The following MS4A6A variants were observed in gnomAD, a reference collection of about 807,000 sequenced individuals.
MS4A6A encodes membrane-spanning 4-domains subfamily A member 6A.
In MS4A6A, 19 loss-of-function variants were observed where a neutral mutation model predicts 20.6. That is an observed-to-expected ratio of 0.92 (90% confidence interval 0.64 to 1.36). MS4A6A has a LOEUF of 1.36. Ranked by LOEUF, MS4A6A falls within the 40% of genes most tolerant of loss-of-function variation. The probability of loss-of-function intolerance (pLI) is 0.00; values close to 1 mark genes in which losing one functional copy is unlikely to be tolerated. For synonymous variants in MS4A6A, 108 were observed against 105.0 expected (o/e 1.03, Z -0.17); for missense variants, 272 against 261.1 (o/e 1.04, Z -0.29).
chr11:60,175,394 A>G lies in MS4A6A; in HGVS notation c.549+8T>C, dbSNP rs772053588. ...TAAGATTAGAACATCCCATCTAAAA[A>G]TACTTACAGCCAGACTGGCTTTGGC... On this transcript the variant is annotated splice_region_variant and intron_variant, in intron 5 of 5. Transcript: ENST00000528851. 1 of 1,605,918 alleles carries G rather than the reference A, an allele frequency of 6.2e-7. No homozygotes were observed. Among genetic ancestry groups the G allele is most frequent in the South Asian group, 1.1e-5 (1 of 90,778 alleles).
Position 60,172,939 on chromosome 11 carries a change from T to C in MS4A6A, c.*62A>G, listed in dbSNP as rs1341454444. 1.6e-5 allele frequency: 25 copies of C among 1,604,454 alleles called. No homozygotes were observed. The highest frequency in any genetic ancestry group is 1.7e-4 in the Middle Eastern group (1 of 6,050). ...GTGTATCTCATGACTGACTGATTGT[T>C]CCTTCTACCACTCTTGGTGACATAC... On this transcript the variant is annotated 3_prime_UTR_variant, in exon 6 of 6. Coordinates refer to ENST00000528851, the MANE Select transcript of MS4A6A (RefSeq NM_022349.4).
chr11:60,173,604 G>C (rs907923199), intron 5 of MS4A6A, among the ~76,000 whole-genome samples: 2 of 152,194 alleles, frequency 1.3e-5, no homozygotes, highest in African/African-American at 2.4e-5. Flanking sequence ...AATTTGTAAG[G>C]ATCAAGGAGG....
chr11:60,181,563 GT>G lies in MS4A6A; in HGVS notation c.147+17del, dbSNP rs754544355. On this transcript the variant is annotated intron_variant, in intron 2 of 5. Coordinates refer to ENST00000528851, the MANE Select transcript of MS4A6A (RefSeq NM_022349.4). The stretch of plus-strand genomic sequence containing the variant: ...ACTTCCCCCAACCCCTCTCCAACAC[GT>G]TCTGAATTAGATTTACCCCAATAAC... 4.0e-5 allele frequency: 65 copies of G among 1,613,570 alleles called. No individual in the cohort carries two copies. The highest frequency in any genetic ancestry group is 5.5e-5 in the Non-Finnish European group (65 of 1,179,706).
chr11:60,172,433 A>T (rs1856625768), downstream of MS4A6A: 1 of 1,308,946 alleles, frequency 7.6e-7, no homozygotes, highest in Non-Finnish European at 9.7e-7. Flanking sequence ...TACACTCTAT[A>T]ATACAATTTT....
Position 60,181,611 on chromosome 11 carries a change from T to C in MS4A6A, c.117A>G (p.Lys39=), listed in dbSNP as rs1354383451. ...TAACTTTGATTTCTGCGTGTAGATG[T>C]TTCTTCAGGCTATCCTGCCCCTGGT... is the stretch of plus-strand genomic sequence containing the variant. ...PTNQGQDSLK[K]HLHAEIKVIG... The change falls in exon 2 of 6, where the codon AAA becomes AAG. Residue 39 remains lysine (K), a synonymous_variant. Transcript: ENST00000528851. The C allele has an allele frequency of 2.5e-6, 4 of 1,614,128 alleles. No individual in the cohort carries two copies. The highest frequency in any genetic ancestry group is 3.4e-6 in the Non-Finnish European group (4 of 1,179,996).
intron 4 of MS4A6A, chr11:60,177,895 C>T: frequency 4.0e-6 from 1 of 248,668 alleles, no homozygotes; most frequent in South Asian, 5.2e-5. Context: ...AAGAATGGAC[C>T]CCAACCAATA....
In MS4A6A at chr11:60,183,011, G is replaced by A. The variant is rs2083819494; in HGVS notation, c.-48C>T. The A allele has an allele frequency of 4.3e-6, 6 of 1,411,334 alleles. No individual in the cohort carries two copies. The East Asian group carries it at 1.4e-4, about 32-fold the overall frequency. 87.4% of individuals were successfully genotyped at this position (1,411,334 alleles called of 1,614,324 possible). On this transcript the variant is annotated 5_prime_UTR_variant, in exon 1 of 6. Transcript: ENST00000528851. ...GTTGGTTCCAGCTGAGTCCTCAGAAGCTCCAAAGAGGTTTTAACTCTGGTT... is the reference window on the plus strand; with the variant it reads ...GTTGGTTCCAGCTGAGTCCTCAGAAACTCCAAAGAGGTTTTAACTCTGGTT...
intron 4 of MS4A6A, chr11:60,177,992 C>A (rs753092727): frequency 4.0e-5 from 16 of 404,512 alleles, no homozygotes; most frequent in Non-Finnish European, 6.6e-5. Flanking sequence ...CATAAACAGG[C>A]ACAATTTCTC....
intron 1 of MS4A6A, chr11:60,182,754 C>G: frequency 6.2e-6 from 1 of 161,878 alleles, no homozygotes; most frequent in Non-Finnish European, 1.3e-5. Flanking sequence ...GAGCTCTGCT[C>G]CCATTAATTA....
chr11:60,181,723 G>A lies in MS4A6A; in HGVS notation c.5C>T (p.Thr2Ile), dbSNP rs1217897913. The A allele has an allele frequency of 1.9e-6, 3 of 1,613,950 alleles. No individual in the cohort carries two copies. Among genetic ancestry groups the A allele is most frequent in the Non-Finnish European group, 2.5e-6 (3 of 1,179,956 alleles). M[T>I]SQPVPNETII... is the part of the protein sequence containing the mutation. ...GGTCTCATTGGGAACAGGTTGTGATGTCATGATGGTGTTGCCAACTATGTA... is the reference window on the plus strand; with the variant it reads ...GGTCTCATTGGGAACAGGTTGTGATATCATGATGGTGTTGCCAACTATGTA... The change falls in exon 2 of 6, where the codon ACA (threonine) becomes ATA (isoleucine). Residue 2 changes from threonine (T) to isoleucine (I), a missense_variant. Physicochemically the swap from Thr to Ile is moderately conservative, Grantham distance 89 (BLOSUM62 -1). Transcript: ENST00000528851.
chr11:60,182,069 A>G (rs539970477), intron 1 of MS4A6A, among the ~76,000 whole-genome samples: 1 of 152,320 alleles, frequency 6.6e-6, no homozygotes, highest in East Asian at 1.9e-4. Flanking sequence ...TACTGACAAC[A>G]ACTGTATTGC....
rs1460571884 is a variant in MS4A6A at position 60,181,661 on chromosome 11, G to A, written c.67C>T (p.Gln23Ter). The change falls in exon 2 of 6, where the codon CAA (glutamine) becomes TAA (stop). Residue 23 changes from glutamine to a stop codon, truncating the protein, a stop_gained. Coordinates refer to ENST00000528851, the MANE Select transcript of MS4A6A (RefSeq NM_022349.4). LOFTEE classifies it high-confidence loss of function. ...VLPSNVINFSQAEKPEPTNQG... is the reference protein window; with the variant it reads ...VLPSNVINFS Reference sequence around the variant, plus strand: ...TTGGTGGGTTCGGGTTTCTCTGCTTGGGAGAAGTTGATGACATTTGATGGG... The same window carrying A: ...TTGGTGGGTTCGGGTTTCTCTGCTTAGGAGAAGTTGATGACATTTGATGGG... The A allele has an allele frequency of 6.2e-7, 1 of 1,614,108 alleles. No homozygotes were observed. Among genetic ancestry groups the A allele is most frequent in the Non-Finnish European group, 8.5e-7 (1 of 1,179,988 alleles).
chr11:60,174,306 A>G (rs1223979555), intron 5 of MS4A6A, among the ~76,000 whole-genome samples: 1 of 150,116 alleles, frequency 6.7e-6, no homozygotes, highest in Non-Finnish European at 1.5e-5. Context: ...GACAACAAAT[A>G]TTCTGCAATT....
intron 4 of MS4A6A, chr11:60,177,071 G>A (rs753349070): frequency 2.0e-5 from 3 of 152,064 alleles, no homozygotes; most frequent in Admixed American, 6.5e-5. Context: ...TCACATCATC[G>A]ATAGCCACAT....
At chr11:60,178,754 G>A (rs773561348) in intron 3 of MS4A6A, 11 of 426,302 alleles carry the variant, frequency 2.6e-5, no homozygotes, top group African/African-American at 2.3e-4. Flanking sequence ...TATGTTGGTA[G>A]CATGACCCTT....
In MS4A6A at chr11:60,182,808, T is replaced by A. The variant is rs1223261088; in HGVS notation, c.-15+170A>T. The A allele has an allele frequency of 3.4e-5, 7 of 205,420 alleles. No homozygotes were observed. The East Asian group carries it at 8.9e-4, about 26-fold the overall frequency. 12.7% of individuals were successfully genotyped at this position (205,420 alleles called of 1,614,324 possible). On this transcript the variant is annotated intron_variant, in intron 1 of 5. Transcript: ENST00000528851. ...ACTCACTGAGTTTATGCAATTAGAATACAGCGGACACAGAGTTAAAAACAG... is the reference window on the plus strand; with the variant it reads ...ACTCACTGAGTTTATGCAATTAGAAAACAGCGGACACAGAGTTAAAAACAG...
chr11:60,172,981 A>G lies in MS4A6A; in HGVS notation c.*20T>C. The stretch of plus-strand genomic sequence containing the variant: ...GTGACATACTCAACACAGTGCAGGG[A>G]TAAGATACACTAGGCAAGGTTAAGT... On this transcript the variant is annotated 3_prime_UTR_variant, in exon 6 of 6. Transcript: ENST00000528851. The G allele has an allele frequency of 1.9e-6, 3 of 1,613,630 alleles. No homozygotes were observed. Among genetic ancestry groups the G allele is most frequent in the Non-Finnish European group, 2.5e-6 (3 of 1,179,708 alleles).
chr11:60,174,474 C>A (rs151315052), intron 5 of MS4A6A, among the ~76,000 whole-genome samples: 1 of 151,938 alleles, frequency 6.6e-6, no homozygotes, highest in Non-Finnish European at 1.5e-5. Flanking sequence ...TACGGCTGCC[C>A]GCCACCACAC....
At chr11:60,181,328 A>C in intron 2 of MS4A6A, 1 of 526,770 alleles carries the variant, frequency 1.9e-6, no homozygotes, top group Non-Finnish European at 3.4e-6. Flanking sequence ...ATAGAAAAGC[A>C]CTGTATTGTA....
Sources: allele counts gnomAD v4.1 joint callset (sites outside exome capture counted in the v4.1 genomes callset), GRCh38; gene constraint gnomAD v4.1.1; transcripts MANE v1.5; gene names NCBI Gene and HGNC (gene_info 2026-07-23, HGNC 2026-07-21).